The following ST3GAL3 variants were observed in gnomAD, a reference collection of about 807,000 sequenced individuals.
ST3GAL3 encodes the protein CMP-N-acetylneuraminate-beta-1,4-galactoside alpha-2,3-sialyltransferase.
Under a neutral mutation model 50.1 loss-of-function variants are expected in ST3GAL3, and 21 were observed. The ratio of observed to expected loss-of-function variants is 0.42; its 90% confidence interval spans 0.30 to 0.60. ST3GAL3 has a LOEUF of 0.60. ST3GAL3 is among the 20% of genes least tolerant of loss of function. The probability of loss-of-function intolerance (pLI) is 0.19; values close to 1 mark genes in which losing one functional copy is unlikely to be tolerated. For synonymous variants in ST3GAL3, 183 were observed against 190.0 expected, an observed-to-expected ratio of 0.96 and a Z score of 0.30; for missense variants, 353 against 489.4, an observed-to-expected ratio of 0.72 and a Z score of 2.63.
At chr1:43,720,462 A>G (rs1239483760) in intron 1 of ST3GAL3, 3 of 152,130 alleles carry the variant, frequency 2.0e-5, no homozygotes. Context: ...AAACAGATTT[A>G]TTTCTTACAG....
At chr1:43,765,909 A>G (rs1692741982) in intron 2 of ST3GAL3, among the ~76,000 whole-genome samples, 1 of 142,580 alleles carries the variant, frequency 7.0e-6, no homozygotes, top group Admixed American at 6.9e-5. Flanking sequence ...CTCAGCCATA[A>G]CAGGATTGAT....
intron 5 of ST3GAL3, among the ~76,000 whole-genome samples, chr1:43,863,427 G>C (rs925394490): frequency 1.9e-4 from 29 of 152,200 alleles, no homozygotes; most frequent in Non-Finnish European, 5.9e-5. Flanking sequence ...ACTTTGCATG[G>C]ACCAGGGTTA....
At chr1:43,807,824 A>G (rs975875386) in intron 3 of ST3GAL3, among the ~76,000 whole-genome samples, 5 of 152,156 alleles carry the variant, frequency 3.3e-5, no homozygotes, top group Non-Finnish European at 5.9e-5. Context: ...GAATAAAGGA[A>G]TTCTCTCAGG....
chr1:43,878,402 A>G (rs536966024), intron 5 of ST3GAL3, among the ~76,000 whole-genome samples: 1 of 152,376 alleles, frequency 6.6e-6, no homozygotes, highest in South Asian at 2.1e-4. Flanking sequence ...AAGAAAGAAA[A>G]TATGGCAAGG....
intron 5 of ST3GAL3, chr1:43,851,540 G>A (rs1457724008): frequency 3.8e-6 from 6 of 1,590,256 alleles, no homozygotes; most frequent in Non-Finnish European, 5.2e-6. Context: ...TTAAGCAAGA[G>A]CCTAGGGCCT....
chr1:43,791,780 CTTTGT>C (rs2058108976), intron 2 of ST3GAL3, among the ~76,000 whole-genome samples: 1 of 152,134 alleles, frequency 6.6e-6, no homozygotes, highest in Non-Finnish European at 1.5e-5. Flanking sequence ...TTTTATTTTG[CTTTGT>C]TTTAATTCCA....
At chr1:43,925,260 G>T (rs931193399) in intron 11 of ST3GAL3, among the ~76,000 whole-genome samples, 1 of 133,144 alleles carries the variant, frequency 7.5e-6, no homozygotes, top group African/African-American at 2.6e-5. Flanking sequence ...TAGCTCTACT[G>T]CACTCTAGCC....
chr1:43,834,897 G>T (rs974328105), intron 4 of ST3GAL3, among the ~76,000 whole-genome samples: 1 of 152,288 alleles, frequency 6.6e-6, no homozygotes, highest in East Asian at 1.9e-4. Context: ...GACAGTTTCT[G>T]ATTCCAGATC....
intron 4 of ST3GAL3, among the ~76,000 whole-genome samples, chr1:43,817,607 T>TCTCCTCCTCCCTTCTC (rs2061493260): frequency 9.1e-6 from 1 of 109,510 alleles, no homozygotes. Context: ...CCCTTCTCCT[T>TCTCCTCCTCCCTTCTC]CTCCTCCTTC....
Position 43,894,220 on chromosome 1 carries a change from A to G in ST3GAL3, c.303-163A>G. 5.6e-6 allele frequency: 4 copies of G among 718,554 alleles called. No individual in the cohort carries two copies. The South Asian group carries it at 6.0e-5, about 11-fold the overall frequency. The allele number at this position is 718,554 out of a possible 1,614,324, so 44.5% of individuals were successfully genotyped here. ...GGCTCCACTGAACAAGATCTGTCAA[A>G]CCCCTCGACAGCTACCCAGTGAACA... On this transcript the variant is annotated intron_variant, in intron 5 of 11. Transcript: ENST00000347631.
chr1:43,831,960 C>A (rs955102144), intron 4 of ST3GAL3, among the ~76,000 whole-genome samples: 2 of 152,146 alleles, frequency 1.3e-5, no homozygotes, highest in African/African-American at 2.4e-5. Flanking sequence ...TGAATTAGAT[C>A]ATTAGATCCG....
At chr1:43,903,784 G>T (rs1411110795) in intron 9 of ST3GAL3, among the ~76,000 whole-genome samples, 1 of 152,200 alleles carries the variant, frequency 6.6e-6, no homozygotes, top group Non-Finnish European at 1.5e-5. Flanking sequence ...CTTAGGCCTT[G>T]GAGTTACACA....
chr1:43,727,842 A>C (rs1673690615), intron 1 of ST3GAL3, among the ~76,000 whole-genome samples: 1 of 151,894 alleles, frequency 6.6e-6, no homozygotes, highest in Non-Finnish European at 1.5e-5. Context: ...GCCTTTTTCT[A>C]TCTGTGTCCT....
At chr1:43,898,063 C>T in intron 6 of ST3GAL3, 172 bp from the exon 7 acceptor site, 1 of 724,854 alleles carries the variant, frequency 1.4e-6, no homozygotes, top group Non-Finnish European at 2.4e-6. Flanking sequence ...CACCTCCTTT[C>T]TCAGGAAGAA....
intron 5 of ST3GAL3, chr1:43,840,881 T>A (rs903629922): frequency 6.6e-6 from 1 of 152,358 alleles, no homozygotes; most frequent in Admixed American, 6.5e-5. Context: ...AACAAGTTGC[T>A]TACTTTCGAG....
chr1:43,907,987 T>C (rs947889222), intron 9 of ST3GAL3, among the ~76,000 whole-genome samples: 6 of 152,170 alleles, frequency 3.9e-5, no homozygotes, highest in Admixed American at 1.3e-4. Flanking sequence ...TGATTCTAAA[T>C]CCAGCAGACT....
intron 3 of ST3GAL3, among the ~76,000 whole-genome samples, chr1:43,800,171 C>CT (rs1376556466): frequency 1.3e-5 from 2 of 152,160 alleles, no homozygotes; most frequent in African/African-American, 2.4e-5. Context: ...TACTAGGCCT[C>CT]TCACCTCCCC....
At chr1:43,906,196 C>G (rs2079598076) in intron 9 of ST3GAL3, among the ~76,000 whole-genome samples, 1 of 131,734 alleles carries the variant, frequency 7.6e-6, no homozygotes, top group African/African-American at 3.0e-5. Context: ...TCCCCCTCCT[C>G]CTGTTCCCCT....
chr1:43,858,602 CTG>C (rs575237790), intron 5 of ST3GAL3, among the ~76,000 whole-genome samples: 43 of 152,226 alleles, frequency 2.8e-4, no homozygotes, highest in Non-Finnish European at 5.3e-4. Flanking sequence ...TCCTCCTGAG[CTG>C]TGTGAGGCTC....
Sources: gnomAD v4.1 joint callset for allele counts (sites outside exome capture counted in the v4.1 genomes callset) on GRCh38, gnomAD v4.1.1 for gene constraint, MANE v1.5 for transcripts, NCBI Gene and HGNC (gene_info 2026-07-23, HGNC 2026-07-21) for gene names.